The following FLI1 variants were observed in gnomAD, a reference collection of about 807,000 sequenced individuals.
FLI1 encodes Fli-1 proto-oncogene, ETS transcription factor.
In FLI1, 13 loss-of-function variants were observed where a neutral mutation model predicts 53.1. The ratio of observed to expected loss-of-function variants is 0.24; its 90% CI spans 0.16 to 0.39. The LOEUF (loss-of-function observed/expected upper bound fraction) is 0.39. Ranked by LOEUF, FLI1 falls within the 10% of genes least tolerant of loss-of-function variation. FLI1 has a pLI of 1.00. For synonymous variants in FLI1, 244 were observed against 236.7 expected (o/e 1.03, Z -0.28); for missense variants, 424 against 600.5 (o/e 0.71, Z 3.07).
At chr11:128,710,059 C>A (rs977504041) in intron 1 of FLI1, among the ~76,000 whole-genome samples, 1 of 152,226 alleles carries the variant, frequency 6.6e-6, no homozygotes, top group Non-Finnish European at 1.5e-5. Context: ...GGAGGCCCTT[C>A]TTTCACTTAA....
intron 1 of FLI1, among the ~76,000 whole-genome samples, chr11:128,728,922 C>T (rs896107907): frequency 6.6e-6 from 1 of 152,198 alleles, no homozygotes; most frequent in Admixed American, 6.5e-5. Context: ...CTACTCCAAC[C>T]GCCAGAGACA....
At chr11:128,735,103 C>G (rs1939865935) in intron 1 of FLI1, among the ~76,000 whole-genome samples, 2 of 152,184 alleles carry the variant, frequency 1.3e-5, no homozygotes, top group South Asian at 2.1e-4. Flanking sequence ...GGGAATAATC[C>G]TGCCTTCTTC....
At chr11:128,764,700 T>C (rs1223174888) in intron 2 of FLI1, 6 of 1,546,742 alleles carry the variant, frequency 3.9e-6, no homozygotes, top group East Asian at 2.4e-5. Flanking sequence ...GCTTCACCTG[T>C]ACCCACCCTG....
chr11:128,712,330 T>A (rs1284817647), intron 1 of FLI1, among the ~76,000 whole-genome samples: 2 of 152,202 alleles, frequency 1.3e-5, no homozygotes, highest in Non-Finnish European at 2.9e-5. Context: ...GCACCATGCT[T>A]TCTGTACAGC....
chr11:128,761,803 A>C (rs555599199), intron 2 of FLI1, among the ~76,000 whole-genome samples: 31 of 152,274 alleles, frequency 2.0e-4, no homozygotes, highest in African/African-American at 7.5e-4. Flanking sequence ...GCCTGTGTGA[A>C]TATTCCAGTG....
chr11:128,789,688 T>A (rs148130842), intron 5 of FLI1, among the ~76,000 whole-genome samples: 1 of 152,294 alleles, frequency 6.6e-6, no homozygotes, highest in Non-Finnish European at 1.5e-5. Flanking sequence ...TTTGGCAGCC[T>A]TGTGTGTGTG....
intron 1 of FLI1, among the ~76,000 whole-genome samples, chr11:128,697,070 CTT>C (rs1391941491): frequency 6.6e-6 from 1 of 152,200 alleles, no homozygotes; most frequent in African/African-American, 2.4e-5. Context: ...CCACGCTACT[CTT>C]TTGTCACAGA....
chr11:128,805,264 T>C, intron 5 of FLI1, 102 bp from the exon 6 acceptor site: 1 of 666,206 alleles, frequency 1.5e-6, no homozygotes, highest in Non-Finnish European at 2.6e-6. Context: ...AAGCCATTGC[T>C]GAATTGAATT....
At chr11:128,753,014 C>G (rs977389239) in intron 1 of FLI1, among the ~76,000 whole-genome samples, 6 of 152,140 alleles carry the variant, frequency 3.9e-5, no homozygotes, top group African/African-American at 1.4e-4. Context: ...AGATGCCACC[C>G]CAAGCAGCTT....
At chr11:128,760,033 A>T (rs1342790078) in intron 2 of FLI1, among the ~76,000 whole-genome samples, 5 of 152,116 alleles carry the variant, frequency 3.3e-5, no homozygotes, top group Admixed American at 3.3e-4. Flanking sequence ...GATCTCAGCC[A>T]CCTTTCCAGA....
intron 1 of FLI1, among the ~76,000 whole-genome samples, chr11:128,730,946 A>C (rs1233773165): frequency 1.3e-5 from 2 of 152,172 alleles, no homozygotes; most frequent in African/African-American, 2.4e-5. Context: ...AAAATGAAGA[A>C]ACCAAAAGGT....
chr11:128,812,242 G>C lies in FLI1; in HGVS notation c.*1254G>C, dbSNP rs1942955326. 1 of 219,566 alleles carries C rather than the reference G, an allele frequency of 4.6e-6. No homozygotes were observed. The highest frequency in any genetic ancestry group is 9.1e-6 in the Non-Finnish European group (1 of 109,340). 13.6% of individuals were successfully genotyped at this position (219,566 alleles called of 1,614,324 possible). A position where few individuals can be genotyped will look rare whatever the true frequency, so the allele number is the denominator to read the frequency against. ...GGGAAAAACAACGAAACTTTCCCTT[G>C]TGGAGAGGAGGGATTTTCCTGCTCT... On this transcript the variant is annotated 3_prime_UTR_variant, in exon 9 of 9. Transcript: ENST00000527786.
chr11:128,735,282 TAA>T (rs1184342640), intron 1 of FLI1, among the ~76,000 whole-genome samples: 1 of 152,174 alleles, frequency 6.6e-6, no homozygotes, highest in Non-Finnish European at 1.5e-5. Flanking sequence ...CCTGTTCCAT[TAA>T]AAAGAGACAG....
At chr11:128,705,662 A>G (rs1268785380) in intron 1 of FLI1, among the ~76,000 whole-genome samples, 1 of 152,166 alleles carries the variant, frequency 6.6e-6, no homozygotes, top group Non-Finnish European at 1.5e-5. Flanking sequence ...CTTTCTTGTT[A>G]TTTCAAGGCT....
At chr11:128,708,858 A>G (rs1185154274) in intron 1 of FLI1, among the ~76,000 whole-genome samples, 1 of 152,222 alleles carries the variant, frequency 6.6e-6, no homozygotes, top group Non-Finnish European at 1.5e-5. Flanking sequence ...GGCAAAGTTC[A>G]GTCAGCCAAT....
intron 3 of FLI1, chr11:128,768,505 C>T: frequency 2.0e-6 from 1 of 490,998 alleles, no homozygotes; most frequent in Non-Finnish European, 3.6e-6. Flanking sequence ...GTGGTGAAAC[C>T]TCATCTCTAC....
chr11:128,709,066 G>A (rs1292480545), intron 1 of FLI1, among the ~76,000 whole-genome samples: 1 of 152,222 alleles, frequency 6.6e-6, no homozygotes. Context: ...GCCACATGCA[G>A]TCTGAAGTTT....
chr11:128,686,538 G>C (rs1021368279), exon 1 of FLI1: 1 of 454,254 alleles, frequency 2.2e-6, no homozygotes, highest in African/African-American at 2.0e-5. Context: ...AACCCCTACA[G>C]TCTCTCCATC....
At chr11:128,753,961 A>G (rs1256690579) in intron 1 of FLI1, among the ~76,000 whole-genome samples, 1 of 152,230 alleles carries the variant, frequency 6.6e-6, no homozygotes, top group Admixed American at 6.5e-5. Flanking sequence ...AGAAGCCACA[A>G]GAATGCTCTC....
Sources: allele counts gnomAD v4.1 joint callset (sites outside exome capture counted in the v4.1 genomes callset), GRCh38; gene constraint gnomAD v4.1.1; transcripts MANE v1.5; gene names NCBI Gene and HGNC (gene_info 2026-07-23, HGNC 2026-07-21).